The following LSAMP variants were observed in gnomAD, a reference collection of about 807,000 sequenced individuals.
The protein encoded by LSAMP is limbic system associated membrane protein, also known as limbic system-associated membrane protein.
Under a neutral mutation model 38.6 loss-of-function variants are expected in LSAMP, and 7 were observed. That is an observed-to-expected ratio of 0.18 (90% CI 0.10 to 0.34). The LOEUF is 0.34. Ranked by LOEUF, LSAMP falls within the 10% of genes least tolerant of loss-of-function variation. The pLI, the probability that LSAMP is intolerant of heterozygous loss-of-function variation, is 1.00. For missense variants in LSAMP, 313 were observed against 420.0 expected (o/e 0.75, Z 2.23); for synonymous variants, 154 against 166.8 (o/e 0.92, Z 0.59).
chr3:116,439,528 C>A (rs1296603806), intron 1 of LSAMP, among the ~76,000 whole-genome samples: 1 of 96,080 alleles, frequency 1.0e-5, no homozygotes, highest in African/African-American at 3.9e-5. Flanking sequence ...AAATTTGAGA[C>A]ACACTGGCCT....
intron 1 of LSAMP, among the ~76,000 whole-genome samples, chr3:116,260,118 T>A (rs2046805296): frequency 6.6e-6 from 1 of 152,302 alleles, no homozygotes; most frequent in Middle Eastern, 3.4e-3. Context: ...CAGAAGATGG[T>A]TTTATGTGAT....
At chr3:116,142,576 T>G (rs1443793388) in intron 1 of LSAMP, among the ~76,000 whole-genome samples, 6 of 152,012 alleles carry the variant, frequency 3.9e-5, no homozygotes, top group Non-Finnish European at 8.8e-5. Context: ...TTTCATACAT[T>G]GATCTTAGTT....
At chr3:116,234,293 G>C (rs1466754402) in intron 1 of LSAMP, among the ~76,000 whole-genome samples, 2 of 152,118 alleles carry the variant, frequency 1.3e-5, no homozygotes, top group African/African-American at 4.8e-5. Flanking sequence ...TGAATGTTAG[G>C]AGAAAGAAGA....
chr3:115,955,513 A>G (rs1938427802), intron 3 of LSAMP, among the ~76,000 whole-genome samples: 1 of 152,222 alleles, frequency 6.6e-6, no homozygotes, highest in African/African-American at 2.4e-5. Context: ...TGCTAGGGAT[A>G]TAACCATACA....
chr3:116,305,081 A>C (rs2047464508), intron 1 of LSAMP, among the ~76,000 whole-genome samples: 1 of 152,154 alleles, frequency 6.6e-6, no homozygotes, highest in Non-Finnish European at 1.5e-5. Context: ...AAAGATCAAG[A>C]ACAGGCAGCC....
chr3:116,299,369 CA>C (rs1371279552), intron 1 of LSAMP, among the ~76,000 whole-genome samples: 1 of 152,146 alleles, frequency 6.6e-6, no homozygotes, highest in Non-Finnish European at 1.5e-5. Flanking sequence ...ATTACGAAAA[CA>C]CTGTCAAAAG....
At chr3:116,092,357 A>G (rs1276108105) in intron 1 of LSAMP, among the ~76,000 whole-genome samples, 4 of 152,164 alleles carry the variant, frequency 2.6e-5, no homozygotes, top group African/African-American at 9.7e-5. Context: ...ATGAAGAAAT[A>G]TCATCTCTAG....
At chr3:116,325,051 T>C (rs1251434871) in intron 1 of LSAMP, among the ~76,000 whole-genome samples, 2 of 151,458 alleles carry the variant, frequency 1.3e-5, no homozygotes, top group Non-Finnish European at 2.9e-5. Context: ...CTAGAAGATC[T>C]GAATCCAGAT....
chr3:115,881,463 C>T (rs1265146406), intron 3 of LSAMP, among the ~76,000 whole-genome samples: 1 of 152,094 alleles, frequency 6.6e-6, no homozygotes, highest in African/African-American at 2.4e-5. Context: ...TTGCAGTGTG[C>T]TAGGTTAGTA....
chr3:116,288,432 C>T (rs1434399384), intron 1 of LSAMP, among the ~76,000 whole-genome samples: 1 of 152,212 alleles, frequency 6.6e-6, no homozygotes, highest in East Asian at 1.9e-4. Context: ...CCATTACAAG[C>T]AATGGATTAA....
rs569430145 is a variant in LSAMP, at chr3:115,823,362, C to T, written c.920-12948G>A. Among the ~76,000 whole-genome samples, 29 of 152,332 alleles carry T rather than the reference C, an allele frequency of 1.9e-4. No homozygotes were observed. The South Asian group carries it at 5.6e-3, about 29-fold the overall frequency. ...GGCCTGCCTCTGCTATAACCTTGAA[C>T]GAATAACAGAAACATGCCCAGCTTC... On this transcript the variant is annotated intron_variant, in intron 6 of 6. Transcript: ENST00000490035.
chr3:115,998,346 G>A (rs1939888224), intron 3 of LSAMP, among the ~76,000 whole-genome samples: 2 of 152,090 alleles, frequency 1.3e-5, no homozygotes, highest in African/African-American at 4.8e-5. Context: ...AGGGAATAGG[G>A]GGTGTGGAAA....
chr3:116,123,676 T>C (rs1708939151), intron 1 of LSAMP, among the ~76,000 whole-genome samples: 1 of 152,230 alleles, frequency 6.6e-6, no homozygotes, highest in Non-Finnish European at 1.5e-5. Flanking sequence ...GATGCTAGGT[T>C]TGATATCCTA....
At chr3:116,291,625 T>TATC (rs1358533192) in intron 1 of LSAMP, among the ~76,000 whole-genome samples, 1 of 152,236 alleles carries the variant, frequency 6.6e-6, no homozygotes, top group Non-Finnish European at 1.5e-5. Context: ...GGTAGGGATC[T>TATC]ATCTAAACTT....
intron 1 of LSAMP, among the ~76,000 whole-genome samples, chr3:116,268,251 TCTTA>T (rs2046919237): frequency 6.6e-6 from 1 of 152,076 alleles, no homozygotes; most frequent in Admixed American, 6.6e-5. Context: ...AACCATTCCT[TCTTA>T]CTTTGTTTAT....
At chr3:116,372,486 A>C (rs1194201203) in intron 1 of LSAMP, among the ~76,000 whole-genome samples, 1 of 151,954 alleles carries the variant, frequency 6.6e-6, no homozygotes, top group African/African-American at 2.4e-5. Flanking sequence ...AGGGCAAATC[A>C]CAACATTTGA....
chr3:116,105,820 TAAAAC>T (rs1444964366), intron 1 of LSAMP, among the ~76,000 whole-genome samples: 50 of 152,188 alleles, frequency 3.3e-4, no homozygotes, highest in Admixed American at 9.8e-4. Context: ...ATAAGAAAAA[TAAAAC>T]AAAATAGTGT....
intron 1 of LSAMP, among the ~76,000 whole-genome samples, chr3:116,136,614 T>C (rs1464815452): frequency 2.0e-5 from 3 of 152,150 alleles, no homozygotes; most frequent in South Asian, 2.1e-4. Flanking sequence ...AATCCTACTT[T>C]GCTTTTCTCT....
At chr3:116,354,390 G>C (rs538105440) in intron 1 of LSAMP, among the ~76,000 whole-genome samples, 5 of 152,156 alleles carry the variant, frequency 3.3e-5, no homozygotes, top group Non-Finnish European at 7.4e-5. Flanking sequence ...TTCAGGCCTT[G>C]TCATTTCAGC....
Sources: allele counts gnomAD v4.1 joint callset (sites outside exome capture counted in the v4.1 genomes callset), GRCh38; gene constraint gnomAD v4.1.1; transcripts MANE v1.5; gene names NCBI Gene and HGNC (gene_info 2026-07-23, HGNC 2026-07-21).